CHN1: variants seen among roughly 807,000 people sequenced by gnomAD.
CHN1 encodes chimerin 1, also known as N-chimaerin.
Under a neutral mutation model 59.5 loss-of-function variants are expected in CHN1, and 37 were observed. That is an observed-to-expected ratio of 0.62 (90% confidence interval 0.48 to 0.82). The LOEUF (loss-of-function observed/expected upper bound fraction) is 0.82. CHN1 is among the 40% of genes least tolerant of loss of function. The probability of loss-of-function intolerance (pLI) is 0.00; values close to 1 mark genes in which losing one functional copy is unlikely to be tolerated. For synonymous variants in CHN1, 206 were observed against 200.4 expected (o/e 1.03, Z -0.24); for missense variants, 469 against 571.0 (o/e 0.82, Z 1.82).
intron 1 of CHN1, among the ~76,000 whole-genome samples, chr2:174,975,655 CA>C (rs35826463): frequency 1.0e-3 from 125 of 125,106 alleles, no homozygotes; most frequent in Middle Eastern, 4.3e-3. Flanking sequence ...ACAAAACAAA[CA>C]AAAAAAAAAA....
At chr2:174,943,587 T>C (rs2105402817) in intron 3 of CHN1, among the ~76,000 whole-genome samples, 1 of 152,194 alleles carries the variant, frequency 6.6e-6, no homozygotes. Flanking sequence ...ACCATTTACA[T>C]GGTTCAAAAG....
At chr2:174,918,310 C>G (rs888580115) in intron 4 of CHN1, among the ~76,000 whole-genome samples, 2 of 152,112 alleles carry the variant, frequency 1.3e-5, no homozygotes, top group Non-Finnish European at 2.9e-5. Flanking sequence ...GGTTTGCATC[C>G]TTAACATTAT....
At chr2:174,890,271 C>T in intron 5 of CHN1, among the ~76,000 whole-genome samples, 1 of 152,090 alleles carries the variant, frequency 6.6e-6, no homozygotes, top group East Asian at 1.9e-4. Context: ...GGCAGGTGAC[C>T]ATACTTGTAT....
intron 3 of CHN1, among the ~76,000 whole-genome samples, chr2:174,939,434 C>T (rs1689592812): frequency 6.6e-6 from 1 of 152,170 alleles, no homozygotes; most frequent in Non-Finnish European, 1.5e-5. Flanking sequence ...CATTGAGCCT[C>T]AATCAGCACT....
At chr2:174,928,267 G>A (rs1689233219) in intron 3 of CHN1, among the ~76,000 whole-genome samples, 1 of 152,128 alleles carries the variant, frequency 6.6e-6, no homozygotes, top group Non-Finnish European at 1.5e-5. Flanking sequence ...TATATACACT[G>A]CTATCATATT....
intron 10 of CHN1, 31 bp downstream of exon 10, chr2:174,811,480 C>T (rs1406593870): frequency 1.3e-6 from 2 of 1,501,226 alleles, no homozygotes; most frequent in East Asian, 2.3e-5. Flanking sequence ...GTATTATTGT[C>T]CTAAGTTATG....
At chr2:174,844,052 T>C (rs1280753452) in intron 7 of CHN1, among the ~76,000 whole-genome samples, 1 of 152,054 alleles carries the variant, frequency 6.6e-6, no homozygotes, top group Non-Finnish European at 1.5e-5. Flanking sequence ...AGGGGACAAT[T>C]ACAATTATTT....
chr2:174,811,819 T>C (rs758394773), intron 9 of CHN1, among the ~76,000 whole-genome samples: 8 of 152,222 alleles, frequency 5.3e-5, no homozygotes, highest in Non-Finnish European at 1.0e-4. Flanking sequence ...AAGTGAAATA[T>C]GTTAAGTCTT....
chr2:174,871,580 C>T (rs781563762), intron 6 of CHN1, among the ~76,000 whole-genome samples: 2 of 152,132 alleles, frequency 1.3e-5, no homozygotes, highest in Non-Finnish European at 2.9e-5. Flanking sequence ...ATATTAATTT[C>T]TTATTCGTGA....
At chr2:175,003,577 A>T (rs1691958025) in intron 1 of CHN1, among the ~76,000 whole-genome samples, 1 of 152,254 alleles carries the variant, frequency 6.6e-6, no homozygotes, top group South Asian at 2.1e-4. Flanking sequence ...AAAGGTCCAC[A>T]TTTAAGGAAA....
At position 174,872,658 on chromosome 2, in the gene CHN1, A is replaced by G. The variant is rs113036977; in HGVS notation, c.549+5182T>C. On this transcript the variant is annotated intron_variant, in intron 6 of 12. Coordinates refer to ENST00000409900, the MANE Select transcript of CHN1 (RefSeq NM_001822.7). ...TATTAAAAGAGAAACTGCTTTCTTC[A>G]TAAAGCAATTAGGAGCCCTTTGCTC... 7.7e-4 allele frequency among the ~76,000 whole-genome samples: 118 copies of G among 152,352 alleles called. 1 individual carries two copies. Among genetic ancestry groups the G allele is most frequent in the African/African-American group, 2.7e-3 (113 of 41,590 alleles).
chr2:174,852,163 C>T (rs1377139739), intron 6 of CHN1, among the ~76,000 whole-genome samples: 1 of 151,958 alleles, frequency 6.6e-6, no homozygotes, highest in South Asian at 2.1e-4. Context: ...GTGGCAGGCA[C>T]CTGTAACCTC....
At chr2:174,879,774 G>C (rs1173014706) in intron 5 of CHN1, among the ~76,000 whole-genome samples, 1 of 152,108 alleles carries the variant, frequency 6.6e-6, no homozygotes, top group Non-Finnish European at 1.5e-5. Context: ...TGAGGGCTCA[G>C]ACCATTTTAC....
chr2:174,976,126 C>CAAAAAA lies in CHN1; in HGVS notation c.20-23930_20-23925dup, dbSNP rs71031078. Among the ~76,000 whole-genome samples, 41 of 50,188 alleles carry CAAAAAA rather than the reference C, an allele frequency of 8.2e-4. 1 individual carries two copies. The highest frequency in any genetic ancestry group is 3.6e-3 in the African/African-American group (41 of 11,236). The allele number at this position is 50,188 out of a possible 152,430, so 32.9% of individuals were successfully genotyped here. ...GGGCCAACAGGGCAAGACTCCGTCT[C>CAAAAAA]AAAAAAAAAAAAAAAAAAAAAAAAA... On this transcript the variant is annotated intron_variant, in intron 1 of 12. Transcript: ENST00000409900.
At chr2:174,855,164 A>C (rs1686863282) in intron 6 of CHN1, among the ~76,000 whole-genome samples, 1 of 152,190 alleles carries the variant, frequency 6.6e-6, no homozygotes, top group African/African-American at 2.4e-5. Flanking sequence ...TATAGTCAGA[A>C]TGTTCTCTAG....
chr2:174,914,704 G>A (rs985166536), intron 5 of CHN1, among the ~76,000 whole-genome samples: 3 of 150,558 alleles, frequency 2.0e-5, no homozygotes, highest in East Asian at 1.9e-4. Context: ...TTAGCTGGGC[G>A]TAGTGGCACA....
At chr2:174,990,736 C>T (rs996087206) in intron 1 of CHN1, among the ~76,000 whole-genome samples, 24 of 152,154 alleles carry the variant, frequency 1.6e-4, no homozygotes, top group African/African-American at 5.8e-4. Flanking sequence ...TATACAATAA[C>T]TTTAAAATAT....
At chr2:174,833,426 T>C (rs1327221698) in intron 7 of CHN1, among the ~76,000 whole-genome samples, 1 of 152,250 alleles carries the variant, frequency 6.6e-6, no homozygotes, top group Non-Finnish European at 1.5e-5. Context: ...TCTAGGTTAA[T>C]GTTTCTTTTC....
chr2:174,925,263 T>C (rs1046716851), intron 3 of CHN1, among the ~76,000 whole-genome samples: 1 of 152,104 alleles, frequency 6.6e-6, no homozygotes, highest in Non-Finnish European at 1.5e-5. Flanking sequence ...AGCATTAACA[T>C]TGAAATAGAG....
Sources: gnomAD v4.1 joint callset for allele counts (sites outside exome capture counted in the v4.1 genomes callset) on GRCh38, gnomAD v4.1.1 for gene constraint, MANE v1.5 for transcripts, NCBI Gene and HGNC (gene_info 2026-07-23, HGNC 2026-07-21) for gene names.